The following MAPRE2 variants were observed in gnomAD, a reference collection of about 807,000 sequenced individuals.
MAPRE2 encodes microtubule-associated protein RP/EB family member 2.
A neutral mutation model predicts 43.2 loss-of-function variants in MAPRE2; 13 were observed. That is an observed-to-expected ratio of 0.30 (90% CI 0.20 to 0.48). MAPRE2 has a LOEUF of 0.48. MAPRE2 is among the 20% of genes least tolerant of loss of function. The probability of loss-of-function intolerance (pLI) is 0.99; values close to 1 mark genes in which losing one functional copy is unlikely to be tolerated. For synonymous variants in MAPRE2, 135 were observed against 148.8 expected (o/e 0.91, Z 0.68); for missense variants, 161 against 400.2 (o/e 0.40, Z 5.10).
Position 35,041,525 on chromosome 18 carries a change from C to T in MAPRE2, c.-15C>T, listed in dbSNP as rs777729932. ...CAGCCCACAGCGGTTTGTTCCCCTTCTCGGGAGTGCGCCAATGCCTGGGCC... is the reference window on the plus strand; with the variant it reads ...CAGCCCACAGCGGTTTGTTCCCCTTTTCGGGAGTGCGCCAATGCCTGGGCC... On this transcript the variant is annotated 5_prime_UTR_variant, in exon 1 of 7. Transcript: ENST00000300249. 1.2e-6 allele frequency: 2 copies of T among 1,614,208 alleles called. No homozygotes were observed. The highest frequency in any genetic ancestry group is 3.3e-5 in the Admixed American group (2 of 60,038).
At chr18:35,032,749 C>T (rs762804781) in intron 2 of MAPRE2, among the ~76,000 whole-genome samples, 21 of 151,982 alleles carry the variant, frequency 1.4e-4, no homozygotes, top group Non-Finnish European at 2.4e-4. Context: ...CCTCTGGGTC[C>T]ATTTTAGAAA....
At chr18:35,122,410 A>G (rs1461877666) in intron 4 of MAPRE2, among the ~76,000 whole-genome samples, 1 of 152,132 alleles carries the variant, frequency 6.6e-6, no homozygotes, top group Non-Finnish European at 1.5e-5. Context: ...CTTCACATTT[A>G]TTCATTTGAA....
chr18:35,121,709 C>T (rs1909679207), intron 4 of MAPRE2, among the ~76,000 whole-genome samples: 1 of 152,138 alleles, frequency 6.6e-6, no homozygotes, highest in South Asian at 2.1e-4. Context: ...ATGTTTTCCA[C>T]ATAAGCATCA....
intron 1 of MAPRE2, among the ~76,000 whole-genome samples, chr18:35,054,832 T>C (rs1906133517): frequency 6.6e-6 from 1 of 152,202 alleles, no homozygotes; most frequent in Non-Finnish European, 1.5e-5. Context: ...ATGAAGACAT[T>C]GGAAAATCTT....
At chr18:35,008,818 T>G (rs1183972664) in intron 2 of MAPRE2, among the ~76,000 whole-genome samples, 2 of 152,158 alleles carry the variant, frequency 1.3e-5, no homozygotes, top group African/African-American at 4.8e-5. Flanking sequence ...CCCAGAGATT[T>G]GGAATAATTT....
chr18:35,068,861 A>G (rs753968133), intron 1 of MAPRE2, among the ~76,000 whole-genome samples: 1 of 152,202 alleles, frequency 6.6e-6, no homozygotes, highest in Non-Finnish European at 1.5e-5. Context: ...AGTCTGTTTG[A>G]TGCAATTGTC....
At chr18:35,003,845 A>T (rs2097030520) in intron 1 of MAPRE2, among the ~76,000 whole-genome samples, 1 of 152,252 alleles carries the variant, frequency 6.6e-6, no homozygotes, top group South Asian at 2.1e-4. Flanking sequence ...ATTTAGGTTT[A>T]TCAACTATCA....
rs1907670996 is a variant in MAPRE2 at position 35,082,196 on chromosome 18, A to G, written c.250+11874A>G. 2 of 100,534 alleles carry G rather than the reference A, an allele frequency of 2.0e-5. 1 individual carries two copies. The highest frequency in any genetic ancestry group is 8.0e-4 in the East Asian group (2 of 2,514). The allele number at this position is 100,534 out of a possible 1,614,324, so 6.2% of individuals were successfully genotyped here. A position where few individuals can be genotyped will look rare whatever the true frequency, so the allele number is the denominator to read the frequency against. On this transcript the variant is annotated intron_variant, in intron 2 of 6. Coordinates refer to ENST00000300249, the MANE Select transcript of MAPRE2 (RefSeq NM_014268.4). ...TCCCAGCTACTTGGGAGGCTGAGGC[A>G]GGAGAATGGCGTGAACCCGGGAGGC...
chr18:35,039,763 G>A (rs1235765496), upstream of MAPRE2, among the ~76,000 whole-genome samples: 1 of 152,182 alleles, frequency 6.6e-6, no homozygotes, highest in Admixed American at 6.5e-5. Context: ...ATCACAAAAT[G>A]ATAAAGCTGA....
At chr18:34,997,136 T>C (rs1277592494) in intron 1 of MAPRE2, among the ~76,000 whole-genome samples, 1 of 152,230 alleles carries the variant, frequency 6.6e-6, no homozygotes, top group Non-Finnish European at 1.5e-5. Flanking sequence ...TATTCATTTT[T>C]GTATCCCTAC....
At chr18:35,126,118 A>G (rs1909892195) in intron 4 of MAPRE2, among the ~76,000 whole-genome samples, 1 of 152,122 alleles carries the variant, frequency 6.6e-6, no homozygotes, top group Non-Finnish European at 1.5e-5. Context: ...AAAGATCTTT[A>G]TATTCTTTTC....
intron 1 of MAPRE2, among the ~76,000 whole-genome samples, chr18:34,999,274 T>C (rs1160543930): frequency 1.3e-5 from 2 of 152,214 alleles, no homozygotes; most frequent in African/African-American, 2.4e-5. Context: ...AATGTAATTA[T>C]AGAAACACTT....
chr18:35,112,920 A>G (rs1199862540), intron 4 of MAPRE2, among the ~76,000 whole-genome samples: 1 of 152,222 alleles, frequency 6.6e-6, no homozygotes. Context: ...GTGTCTGGTG[A>G]GAGCCTGGTC....
At chr18:35,005,605 A>C (rs2097031498) in intron 2 of MAPRE2, 1 of 1,132,350 alleles carries the variant, frequency 8.8e-7, no homozygotes. Flanking sequence ...AAATTAATTT[A>C]AAGTGAGTAG....
chr18:35,104,763 T>A (rs1218883686), intron 4 of MAPRE2, among the ~76,000 whole-genome samples: 1 of 152,012 alleles, frequency 6.6e-6, no homozygotes, highest in Non-Finnish European at 1.5e-5. Context: ...GTCTAGGAGC[T>A]GGGGTGGAGA....
intron 2 of MAPRE2, among the ~76,000 whole-genome samples, chr18:35,025,250 GT>G: frequency 6.6e-6 from 1 of 152,316 alleles, no homozygotes; most frequent in East Asian, 1.9e-4. Flanking sequence ...AGAGTTGAGT[GT>G]TTTGCGTGCA....
At chr18:34,985,247 A>ATATATAATAT (rs1829498081) in intron 1 of MAPRE2, among the ~76,000 whole-genome samples, 1 of 44,198 alleles carries the variant, frequency 2.3e-5, no homozygotes, top group African/African-American at 1.0e-4. Context: ...ATATAATATA[A>ATATATAATAT]AATATATAAT....
chr18:35,012,006 A>G (rs2097035024), intron 2 of MAPRE2, among the ~76,000 whole-genome samples: 1 of 152,158 alleles, frequency 6.6e-6, no homozygotes, highest in Non-Finnish European at 1.5e-5. Flanking sequence ...AGTGAGAAGT[A>G]GTCACCTAAA....
At chr18:35,093,697 T>A (rs1294844856) in intron 2 of MAPRE2, among the ~76,000 whole-genome samples, 1 of 152,156 alleles carries the variant, frequency 6.6e-6, no homozygotes, top group Non-Finnish European at 1.5e-5. Flanking sequence ...ATCTTCCTCA[T>A]GTGGAATCTG....
Sources: allele counts gnomAD v4.1 joint callset (sites outside exome capture counted in the v4.1 genomes callset), GRCh38; gene constraint gnomAD v4.1.1; transcripts MANE v1.5; gene names NCBI Gene and HGNC (gene_info 2026-07-23, HGNC 2026-07-21).